Variants in CPSF3 observed in about 807,000 individuals in gnomAD.
The protein encoded by CPSF3 is cleavage and polyadenylation specific factor 3, also known as cleavage and polyadenylation specificity factor subunit 3.
A neutral mutation model predicts 84.1 loss-of-function variants in CPSF3; 57 were observed. The observed-to-expected ratio is 0.68, with a 90% CI of 0.55 to 0.85. The LOEUF is 0.85. Among genes scored for constraint, CPSF3 ranks in the 40% least tolerant of loss-of-function variants. The pLI is 0.00. For missense variants in CPSF3, 522 were observed against 838.8 expected, an observed-to-expected ratio of 0.62 and a Z score of 4.66; for synonymous variants, 275 against 278.1, an observed-to-expected ratio of 0.99 and a Z score of 0.11.
intron 15 of CPSF3, among the ~76,000 whole-genome samples, chr2:9,464,012 C>G (rs1281201467): frequency 1.3e-5 from 2 of 152,104 alleles, no homozygotes; most frequent in African/African-American, 4.8e-5. Context: ...ATTTCTTAGC[C>G]TCCTGACACT....
intron 9 of CPSF3, among the ~76,000 whole-genome samples, chr2:9,442,653 C>G (rs1278933624): frequency 6.6e-6 from 1 of 152,092 alleles, no homozygotes; most frequent in East Asian, 1.9e-4. Context: ...GAGTTCGAGA[C>G]CAGCCTGGCC....
intron 4 of CPSF3, 79 bp from the exon 5 acceptor site, chr2:9,432,432 T>C (rs1680623414): frequency 2.1e-6 from 2 of 936,872 alleles, no homozygotes; most frequent in East Asian, 2.7e-5. Context: ...GGAGATGTTA[T>C]CCACAATTTC....
intron 7 of CPSF3, among the ~76,000 whole-genome samples, chr2:9,439,903 T>G (rs1382098566): frequency 6.6e-6 from 1 of 152,082 alleles, no homozygotes; most frequent in Non-Finnish European, 1.5e-5. Context: ...CACTTGAACC[T>G]GAGAGGTTGA....
intron 4 of CPSF3, among the ~76,000 whole-genome samples, chr2:9,431,394 A>G (rs1222412978): frequency 6.6e-6 from 1 of 152,114 alleles, no homozygotes; most frequent in Non-Finnish European, 1.5e-5. Flanking sequence ...TTAAAACTTC[A>G]TTAGGCTGGA....
At chr2:9,438,968 A>G (rs958877192) in intron 7 of CPSF3, among the ~76,000 whole-genome samples, 6 of 152,292 alleles carry the variant, frequency 3.9e-5, no homozygotes, top group Middle Eastern at 3.4e-3. Context: ...AACTTTTTTT[A>G]ATATTCAGAG....
chr2:9,443,421 A>G, intron 9 of CPSF3, 94 bp from the exon 10 acceptor site: 1 of 1,314,870 alleles, frequency 7.6e-7, no homozygotes, highest in South Asian at 1.5e-5. Flanking sequence ...TCCTAAATTT[A>G]ACATGAATTT....
chr2:9,471,497 A>C (rs1274682984), intron 17 of CPSF3, 58 bp downstream of exon 17: 4 of 1,028,812 alleles, frequency 3.9e-6, no homozygotes, highest in Non-Finnish European at 6.2e-6. Flanking sequence ...TGAAGGCATA[A>C]ATAATCTGTG....
chr2:9,431,787 G>A (rs541862157), intron 4 of CPSF3, among the ~76,000 whole-genome samples: 4 of 152,088 alleles, frequency 2.6e-5, no homozygotes, highest in Admixed American at 2.6e-4. Flanking sequence ...CTGACCTCAG[G>A]TGATCTGTCT....
Position 9,459,634 on chromosome 2 carries a change from TA to T in CPSF3, c.1786+17del. 8.4e-7 allele frequency: 1 copy of T among 1,197,476 alleles called. No homozygotes were observed. 74.2% of individuals were successfully genotyped at this position (1,197,476 alleles called of 1,614,324 possible). On this transcript the variant is annotated intron_variant, in intron 15 of 17. Coordinates refer to ENST00000238112, the MANE Select transcript of CPSF3 (RefSeq NM_016207.4). The stretch of plus-strand genomic sequence containing the variant: ...ATAAGAAAAGGTAAGAGTTCATTTT[TA>T]TCCTTTTTTTTTTTTTTTTTTTTTT...
At chr2:9,466,222 G>GCACACACACACGTGCGCGCACGCA (rs1681913905) in intron 15 of CPSF3, among the ~76,000 whole-genome samples, 1 of 132,734 alleles carries the variant, frequency 7.5e-6, no homozygotes, top group Non-Finnish European at 1.6e-5. Context: ...ACACACGCAC[G>GCACACACACACGTGCGCGCACGCA]CACACACACA....
chr2:9,471,646 G>A (rs760918297), intron 17 of CPSF3, among the ~76,000 whole-genome samples: 7 of 151,782 alleles, frequency 4.6e-5, no homozygotes, highest in Admixed American at 1.3e-4. Context: ...TACAAGGTTC[G>A]CGTGTATGCC....
intron 15 of CPSF3, among the ~76,000 whole-genome samples, chr2:9,466,354 ACACACACACG>A (rs1334522467): frequency 7.2e-6 from 1 of 139,740 alleles, no homozygotes; most frequent in African/African-American, 2.6e-5. Context: ...GCGCGCGCGC[ACACACACACG>A]CACACACCCA....
chr2:9,465,848 G>C (rs149592859), intron 15 of CPSF3, among the ~76,000 whole-genome samples: 76 of 152,152 alleles, frequency 5.0e-4, no homozygotes, highest in African/African-American at 1.8e-3. Flanking sequence ...GAAATGAAAT[G>C]ATGACAATAT....
At chr2:9,467,882 G>A in intron 16 of CPSF3, 106 bp downstream of exon 16, 1 of 852,774 alleles carries the variant, frequency 1.2e-6, no homozygotes, top group Non-Finnish European at 1.9e-6. Context: ...CTCTGGCCAG[G>A]CCACTGCCAT....
At chr2:9,463,208 T>C (rs758304121) in intron 15 of CPSF3, among the ~76,000 whole-genome samples, 2 of 152,042 alleles carry the variant, frequency 1.3e-5, no homozygotes, top group Non-Finnish European at 2.9e-5. Context: ...TCAGTGTGAG[T>C]AAAATGAGGC....
chr2:9,452,143 A>G (rs1572792508), intron 11 of CPSF3, among the ~76,000 whole-genome samples: 2 of 152,048 alleles, frequency 1.3e-5, no homozygotes, highest in Non-Finnish European at 2.9e-5. Flanking sequence ...AGCCTGGCCA[A>G]TGTGGTGAAG....
At chr2:9,445,535 TA>T (rs1369296983) in intron 10 of CPSF3, among the ~76,000 whole-genome samples, 1 of 152,320 alleles carries the variant, frequency 6.6e-6, no homozygotes, top group East Asian at 1.9e-4. Context: ...CACTGGCCCT[TA>T]ATGAGCAGAT....
intron 9 of CPSF3, among the ~76,000 whole-genome samples, 156 bp downstream of exon 9, chr2:9,442,132 G>C (rs952365661): frequency 3.9e-5 from 6 of 152,198 alleles, no homozygotes; most frequent in African/African-American, 1.4e-4. Context: ...ATGTGCGTAG[G>C]ATGTAGAATT....
intron 12 of CPSF3, 87 bp from the exon 13 acceptor site, chr2:9,455,572 A>T (rs1681497399): frequency 1.1e-5 from 10 of 928,582 alleles, no homozygotes; most frequent in Non-Finnish European, 1.7e-5. Context: ...GTTCACATTT[A>T]CTTGCTTTTA....
Sources: allele counts gnomAD v4.1 joint callset (sites outside exome capture counted in the v4.1 genomes callset), GRCh38; gene constraint gnomAD v4.1.1; transcripts MANE v1.5; gene names NCBI Gene and HGNC (gene_info 2026-07-23, HGNC 2026-07-21).